Variants in ZNF33B observed in about 807,000 individuals in gnomAD.
ZNF33B encodes the protein zinc finger protein 33B, also known as zinc finger protein 11b (KOX 2).
In ZNF33B, 29 loss-of-function variants were observed where a neutral mutation model predicts 45.8. The ratio of observed to expected loss-of-function variants is 0.63; its 90% CI spans 0.47 to 0.86. The LOEUF (loss-of-function observed/expected upper bound fraction) is 0.86. Ranked by LOEUF, ZNF33B falls within the 40% of genes least tolerant of loss-of-function variation. The pLI is 0.00. For missense variants in ZNF33B, 831 were observed against 909.9 expected (o/e 0.91, Z 1.12); for synonymous variants, 305 against 307.8 (o/e 0.99, Z 0.10).
intron 1 of ZNF33B, among the ~76,000 whole-genome samples, chr10:42,575,285 C>G (rs1836732164): frequency 6.6e-6 from 1 of 151,754 alleles, no homozygotes; most frequent in Non-Finnish European, 1.5e-5. Context: ...CATGCATGGA[C>G]TGAGTTGACA....
intron 1 of ZNF33B, among the ~76,000 whole-genome samples, chr10:42,579,061 C>T (rs992318646): frequency 1.3e-5 from 2 of 152,148 alleles, no homozygotes; most frequent in Non-Finnish European, 1.5e-5. Context: ...TGTCTCTGCA[C>T]GGGGGATGCA....
At position 42,592,744 on chromosome 10, in the gene ZNF33B, G is replaced by C; in HGVS notation, c.2206C>G (p.Leu736Val). 2 of 1,614,070 alleles carry C rather than the reference G, an allele frequency of 1.2e-6. No homozygotes were observed. Among genetic ancestry groups the C allele is most frequent in the Admixed American group, 1.7e-5 (1 of 60,016 alleles). Reference protein sequence around the residue: ...CGKIFYRKSDLAKHQRSHTGE... With the variant: ...CGKIFYRKSDVAKHQRSHTGE... ...GTATGTGATCTCTGATGTTTAGCAA[G>C]GTCTGATTTACGGTAAAAGATTTTT... Residue 736 changes from leucine to valine, a missense_variant, in exon 5 of 5, where the codon CTT becomes GTT. Coordinates refer to ENST00000359467, the MANE Select transcript of ZNF33B (RefSeq NM_006955.3).
In ZNF33B at chr10:42,594,058, C is replaced by G. The variant is rs150594739; in HGVS notation, c.892G>C (p.Val298Leu). The change falls in exon 5 of 5, where the codon GTG becomes CTG. Residue 298 changes from valine (V) to leucine (L), a missense_variant. Coordinates refer to ENST00000359467, the MANE Select transcript of ZNF33B (RefSeq NM_006955.3). ...CTTTCACCACAATCATAGTGTTTCA[C>G]AGGTACCCCATCATGTTTAGAAAGG... ...STLSKHDGVPVKHYDCGESGN... is the reference protein window; with the variant it reads ...STLSKHDGVPLKHYDCGESGN... The G allele has an allele frequency of 1.9e-6, 3 of 1,613,972 alleles. No individual in the cohort carries two copies. The highest frequency in any genetic ancestry group is 2.2e-5 in the South Asian group (2 of 91,088).
chr10:42,630,005 AT>A (rs1431621757), intron 4 of ZNF33B, among the ~76,000 whole-genome samples: 1 of 152,194 alleles, frequency 6.6e-6, no homozygotes, highest in East Asian at 1.9e-4. Flanking sequence ...CATACAGAGC[AT>A]TTTGCTCCAA....
intron 4 of ZNF33B, among the ~76,000 whole-genome samples, chr10:42,614,829 C>T (rs1378275383): frequency 1.3e-5 from 2 of 152,040 alleles, no homozygotes; most frequent in African/African-American, 4.8e-5. Context: ...TGGTGGGCAC[C>T]TGTAATCCCA....
At position 42,592,705 on chromosome 10, in the gene ZNF33B, A is replaced by G. The variant is rs1837184655; in HGVS notation, c.2245T>C (p.Tyr749His). 8 of 1,614,116 alleles carry G rather than the reference A, an allele frequency of 5.0e-6. No individual in the cohort carries two copies. The highest frequency in any genetic ancestry group is 6.8e-6 in the Non-Finnish European group (8 of 1,179,978). Residue 749 changes from tyrosine (Y) to histidine (H), a missense_variant, in exon 5 of 5, where the codon TAT (tyrosine) becomes CAT (histidine). By Grantham distance (83) the Tyr-to-His change is moderately conservative. Transcript: ENST00000359467. ...GTTTTCCTGCATGTGTTACATTCAT[A>G]GGGCTTTTCCCCTGTATGTGATCTC... Reference protein sequence around the residue: ...HQRSHTGEKPYECNTCRKTFS... With the variant: ...HQRSHTGEKPHECNTCRKTFS...
intron 1 of ZNF33B, among the ~76,000 whole-genome samples, chr10:42,580,643 G>A (rs1836810206): frequency 6.6e-6 from 1 of 151,836 alleles, no homozygotes; most frequent in African/African-American, 2.4e-5. Context: ...AAAAGTGTCT[G>A]GGAGCGGTGG....
chr10:42,600,671 C>G (rs186587973), intron 4 of ZNF33B, among the ~76,000 whole-genome samples: 1 of 152,080 alleles, frequency 6.6e-6, no homozygotes, highest in Non-Finnish European at 1.5e-5. Context: ...TTTCTGTGAT[C>G]ATCAATGTTT....
Position 42,636,796 on chromosome 10 carries a change from C to A in ZNF33B, c.9+124G>T, listed in dbSNP as rs554241923. 2,245 of 1,409,454 alleles carry A rather than the reference C, an allele frequency of 1.6e-3. 6 individuals are homozygous for A. Among genetic ancestry groups the A allele is most frequent in the Non-Finnish European group, 2.0e-3 (2,007 of 1,008,658 alleles). 87.3% of individuals were successfully genotyped at this position (1,409,454 alleles called of 1,614,324 possible). Reference sequence around the variant, plus strand: ...TGAACAGAGATGGAGACACTGCGCTCCAGCCTGGGCGACAGAGCGAGACTC... The same window carrying A: ...TGAACAGAGATGGAGACACTGCGCTACAGCCTGGGCGACAGAGCGAGACTC... On this transcript the variant is annotated intron_variant, in intron 2 of 4. Coordinates refer to ENST00000359467, the MANE Select transcript of ZNF33B (RefSeq NM_006955.3).
chr10:42,594,815 A>G (rs1229045400), intron 4 of ZNF33B, 116 bp from the exon 5 acceptor site: 17 of 1,177,426 alleles, frequency 1.4e-5, no homozygotes, highest in Admixed American at 9.7e-5. Flanking sequence ...GCCAATTTCC[A>G]GAGATGAACA....
rs183509118 is a variant in ZNF33B, at chr10:42,589,885, A to G, written c.*2728T>C. The stretch of plus-strand genomic sequence containing the variant: ...TGCCATGTTCCTGATCTTAGTAGGA[A>G]AGCATTTAGTTGGAAACATCAAGGA... On this transcript the variant is annotated 3_prime_UTR_variant, in exon 5 of 5. Transcript: ENST00000359467. 1.3e-5 allele frequency: 2 copies of G among 152,358 alleles called. No homozygotes were observed. The highest frequency in any genetic ancestry group is 3.9e-4 in the East Asian group (2 of 5,178). 9.4% of individuals were successfully genotyped at this position (152,358 alleles called of 1,614,324 possible).
intron 2 of ZNF33B, 101 bp from the exon 3 acceptor site, chr10:42,632,540 G>A: frequency 7.0e-7 from 1 of 1,429,006 alleles, no homozygotes; most frequent in East Asian, 2.5e-5. Flanking sequence ...TACTTTTAGG[G>A]AAAAAAGAAA....
At chr10:42,608,879 TG>T (rs57723606) in intron 4 of ZNF33B, among the ~76,000 whole-genome samples, 19,637 of 141,178 alleles carry the variant, frequency 0.14, 1,744 homozygotes, top group African/African-American at 0.26. Flanking sequence ...AGACTGACAA[TG>T]GAAAAAAAAA....
intron 1 of ZNF33B, chr10:42,582,282 C>T (rs1017877397): frequency 3.3e-5 from 5 of 152,126 alleles, no homozygotes; most frequent in South Asian, 2.1e-4. Flanking sequence ...GGGGTATATA[C>T]GAATGATTCC....
intron 4 of ZNF33B, among the ~76,000 whole-genome samples, chr10:42,625,708 G>C (rs1053500750): frequency 6.6e-6 from 1 of 152,218 alleles, no homozygotes; most frequent in African/African-American, 2.4e-5. Flanking sequence ...CCTGACCTCA[G>C]GTGATCCACT....
chr10:42,620,814 C>A (rs1276078817), intron 4 of ZNF33B, among the ~76,000 whole-genome samples: 2 of 151,888 alleles, frequency 1.3e-5, no homozygotes, highest in Non-Finnish European at 2.9e-5. Context: ...ATGAAAATAG[C>A]CACCAAAAGA....
chr10:42,608,200 C>T (rs903019715), intron 4 of ZNF33B, among the ~76,000 whole-genome samples: 5 of 152,002 alleles, frequency 3.3e-5, no homozygotes, highest in African/African-American at 4.8e-5. Flanking sequence ...TCAAAGTACG[C>T]GTAGCAAAAA....
At chr10:42,587,570 G>A (rs1026312368), downstream of ZNF33B, among the ~76,000 whole-genome samples, 3 of 152,074 alleles carry the variant, frequency 2.0e-5, no homozygotes, top group Admixed American at 2.0e-4. Flanking sequence ...CTTTTGGAGG[G>A]GACACAAACA....
chr10:42,590,394 A>G lies in ZNF33B; in HGVS notation c.*2219T>C, dbSNP rs1366846158. On this transcript the variant is annotated 3_prime_UTR_variant, in exon 5 of 5. Coordinates refer to ENST00000359467, the MANE Select transcript of ZNF33B (RefSeq NM_006955.3). ...TTTTTTGGAAGGTTTTATTATTATTAATTTTATTGAGATGGAGTCTCACTC... is the reference window on the plus strand; with the variant it reads ...TTTTTTGGAAGGTTTTATTATTATTGATTTTATTGAGATGGAGTCTCACTC... The G allele has an allele frequency of 6.6e-6, 1 of 151,928 alleles. No homozygotes were observed. The highest frequency in any genetic ancestry group is 6.6e-5 in the Admixed American group (1 of 15,246). The allele number at this position is 151,928 out of a possible 1,614,324, so 9.4% of individuals were successfully genotyped here. A position where few individuals can be genotyped will look rare whatever the true frequency, so the allele number is the denominator to read the frequency against.
Sources: gnomAD v4.1 joint callset for allele counts (sites outside exome capture counted in the v4.1 genomes callset) on GRCh38, gnomAD v4.1.1 for gene constraint, MANE v1.5 for transcripts, NCBI Gene and HGNC (gene_info 2026-07-23, HGNC 2026-07-21) for gene names.